NINL: variants seen among roughly 807,000 people sequenced by gnomAD.
NINL encodes the protein ninein like, also known as ninein-like protein.
Under a neutral mutation model 160.3 loss-of-function variants are expected in NINL, and 153 were observed. The observed-to-expected ratio is 0.95, with a 90% CI of 0.84 to 1.09. NINL has a LOEUF of 1.09. NINL is among the 50% of genes least tolerant of loss of function. NINL has a pLI of 0.00. For missense variants in NINL, 1,829 were observed against 1,764.0 expected, an observed-to-expected ratio of 1.04 and a Z score of -0.66; for synonymous variants, 800 against 734.8, an observed-to-expected ratio of 1.09 and a Z score of -1.43.
chr20:25,580,247 T>C (rs929242458), intron 1 of NINL, among the ~76,000 whole-genome samples: 2 of 151,990 alleles, frequency 1.3e-5, no homozygotes, highest in Admixed American at 6.6e-5. Context: ...GACAGGAGAA[T>C]TGCTTGAACC....
intron 1 of NINL, among the ~76,000 whole-genome samples, chr20:25,573,282 A>G (rs2065075723): frequency 6.7e-6 from 1 of 148,672 alleles, no homozygotes; most frequent in African/African-American, 2.5e-5. Context: ...GGGCGCCAAG[A>G]GCAAAACTCC....
At chr20:25,473,675 T>TACACACACACACACAC (rs56359105) in intron 17 of NINL, among the ~76,000 whole-genome samples, 5 of 137,904 alleles carry the variant, frequency 3.6e-5, no homozygotes, top group Non-Finnish European at 6.2e-5. Flanking sequence ...AATACACACA[T>TACACACACACACACAC]ACACACACAC....
At chr20:25,455,077 T>C (rs965946883) in intron 23 of NINL, among the ~76,000 whole-genome samples, 3 of 152,092 alleles carry the variant, frequency 2.0e-5, no homozygotes, top group African/African-American at 7.2e-5. Context: ...CTGCCTGGAA[T>C]GCACCCTCCT....
In NINL at chr20:25,476,773, G is replaced by T. The variant is rs372426470; in HGVS notation, c.2518C>A (p.Gln840Lys). 1 of 1,611,302 alleles carries T rather than the reference G, an allele frequency of 6.2e-7. No individual in the cohort carries two copies. Among genetic ancestry groups the T allele is most frequent in the East Asian group, 2.2e-5 (1 of 44,844 alleles). Residue 840 changes from glutamine (Q) to lysine (K), a missense_variant, in exon 17 of 24, where the codon CAG becomes AAG. Physicochemically the swap from Gln to Lys is moderately conservative, Grantham distance 53. Transcript: ENST00000278886. ...PKDGLVAGSG[Q>K]EGTRGLLPLR... Reference sequence around the variant, plus strand: ...GGTAGGAGGCCACGTGTGCCCTCCTGGCCACTTCCTGCCACCAGCCCATCT... The same window carrying T: ...GGTAGGAGGCCACGTGTGCCCTCCTTGCCACTTCCTGCCACCAGCCCATCT...
chr20:25,512,982 T>G lies in NINL; in HGVS notation c.302A>C (p.Lys101Thr). Residue 101 changes from lysine to threonine, a missense_variant, in exon 4 of 24, where the codon AAG (lysine) becomes ACG (threonine). Physicochemically the swap from Lys to Thr is moderately conservative, Grantham distance 78. Transcript: ENST00000278886. Reference protein sequence around the residue: ...ESAASSAIPPKYVNGSKWYGR... With the variant: ...ESAASSAIPPTYVNGSKWYGR... ...ATACCACTTAGAACCATTCACATAC[T>G]TTGGAGGGATGGCACTGGAGGCAGC... 6.2e-7 allele frequency: 1 copy of G among 1,603,912 alleles called. No individual in the cohort carries two copies. Among genetic ancestry groups the G allele is most frequent in the Non-Finnish European group, 8.5e-7 (1 of 1,172,860 alleles).
intron 3 of NINL, among the ~76,000 whole-genome samples, chr20:25,513,986 C>G (rs762807558): frequency 3.3e-5 from 5 of 152,162 alleles, no homozygotes; most frequent in Non-Finnish European, 7.3e-5. Context: ...AGGAGTGGAG[C>G]ATTGCTACAA....
chr20:25,518,864 G>A (rs185972277), intron 2 of NINL, among the ~76,000 whole-genome samples: 19 of 151,956 alleles, frequency 1.3e-4, no homozygotes, highest in African/African-American at 2.9e-4. Flanking sequence ...TTGGGAGGCC[G>A]AGGCAGGTGG....
chr20:25,504,906 G>C lies in NINL; in HGVS notation c.690C>G (p.Leu230=). The part of the protein sequence containing the change: ...ELAVVCQSVG[L]QGLEKEELED... ...CCCTCACCTCTTTCTCGAGTCCCTG[G>C]AGCCCGACGCTCTGGCAGACCACAG... The change falls in exon 6 of 24, where the codon CTC becomes CTG. Residue 230 remains leucine (L), a synonymous_variant. Coordinates refer to ENST00000278886, the MANE Select transcript of NINL (RefSeq NM_025176.6). The C allele has an allele frequency of 6.2e-7, 1 of 1,611,486 alleles. No homozygotes were observed.
intron 2 of NINL, among the ~76,000 whole-genome samples, chr20:25,519,048 G>A (rs949163944): frequency 3.6e-5 from 5 of 139,052 alleles, no homozygotes; most frequent in African/African-American, 5.4e-5. Context: ...AGTGAGCCGA[G>A]ATAGCGCCAT....
At chr20:25,529,996 C>G (rs985103367) in intron 1 of NINL, among the ~76,000 whole-genome samples, 5 of 152,214 alleles carry the variant, frequency 3.3e-5, no homozygotes, top group Non-Finnish European at 5.9e-5. Flanking sequence ...CCCACCAGGG[C>G]CCAATTTCCA....
At chr20:25,536,662 T>A (rs1361250165) in intron 1 of NINL, among the ~76,000 whole-genome samples, 1 of 151,520 alleles carries the variant, frequency 6.6e-6, no homozygotes, top group Non-Finnish European at 1.5e-5. Context: ...GAGTTTTCAG[T>A]AAGCTGAGAT....
In NINL at chr20:25,584,663, G is replaced by A. The variant is rs571809090; in HGVS notation, c.-12+792C>T. Among the ~76,000 whole-genome samples, 13 of 152,238 alleles carry A rather than the reference G, an allele frequency of 8.5e-5. 1 individual carries two copies. The South Asian group carries it at 2.7e-3, about 32-fold the overall frequency. ...CCGCCAGCTTCATGGGTCTCTTCCT[G>A]AACCTCCTCCCTAGTTCCAGGGCTT... On this transcript the variant is annotated intron_variant, in intron 1 of 23. Coordinates refer to ENST00000278886, the MANE Select transcript of NINL (RefSeq NM_025176.6).
intron 1 of NINL, chr20:25,539,914 C>A (rs890979601): frequency 7.8e-6 from 4 of 511,664 alleles, no homozygotes; most frequent in Non-Finnish European, 1.3e-5. Context: ...ATTCATCCAG[C>A]ACTGCCACTG....
intron 13 of NINL, among the ~76,000 whole-genome samples, chr20:25,485,091 A>G (rs1348260889): frequency 6.6e-6 from 1 of 152,224 alleles, no homozygotes; most frequent in Non-Finnish European, 1.5e-5. Context: ...CCTCAAAAAT[A>G]TCAATGTCAT....
intron 2 of NINL, among the ~76,000 whole-genome samples, chr20:25,519,852 T>C (rs6050658): frequency 0.1 from 15,113 of 151,172 alleles, 1,278 homozygotes; most frequent in African/African-American, 0.23. Flanking sequence ...AAAAATACAG[T>C]AATTAGCCGG....
At chr20:25,477,153 A>G (rs2063279055) in intron 16 of NINL, 64 bp from the exon 17 acceptor site, 9 of 1,440,682 alleles carry the variant, frequency 6.2e-6, no homozygotes, top group Non-Finnish European at 8.3e-6. Context: ...TCGGGTTTGA[A>G]GTCTGCCCAG....
At chr20:25,453,908 T>C (rs535407376) in intron 23 of NINL, among the ~76,000 whole-genome samples, 5 of 151,868 alleles carry the variant, frequency 3.3e-5, no homozygotes, top group Non-Finnish European at 7.4e-5. Context: ...AAAAATTAGC[T>C]GGGCGTGGTG....
chr20:25,506,781 A>G (rs376742), intron 5 of NINL, among the ~76,000 whole-genome samples: 1 of 152,014 alleles, frequency 6.6e-6, no homozygotes, highest in African/African-American at 2.4e-5. Flanking sequence ...CACACCATCA[A>G]GAAGTTGAAA....
At chr20:25,549,997 G>GTTC (rs1306318248) in intron 1 of NINL, among the ~76,000 whole-genome samples, 1 of 152,230 alleles carries the variant, frequency 6.6e-6, no homozygotes. Flanking sequence ...TGAGAGGACA[G>GTTC]TGAAAAGAAC....
Sources: allele counts gnomAD v4.1 joint callset (sites outside exome capture counted in the v4.1 genomes callset), GRCh38; gene constraint gnomAD v4.1.1; transcripts MANE v1.5; gene names NCBI Gene and HGNC (gene_info 2026-07-23, HGNC 2026-07-21).